The following CEMIP2 variants were observed in gnomAD, a reference collection of about 807,000 sequenced individuals.
CEMIP2 encodes the protein cell migration inducing hyaluronidase 2, also known as cell surface hyaluronidase CEMIP2.
In CEMIP2, 79 loss-of-function variants were observed where a neutral mutation model predicts 146.9. That is an observed-to-expected ratio of 0.54 (90% CI 0.45 to 0.65). The LOEUF (loss-of-function observed/expected upper bound fraction) is 0.65. Among genes scored for constraint, CEMIP2 ranks in the 30% least tolerant of loss-of-function variants. The pLI is 0.00. For synonymous variants in CEMIP2, 601 were observed against 606.3 expected, an observed-to-expected ratio of 0.99 and a Z score of 0.13; for missense variants, 1,596 against 1,696.2, an observed-to-expected ratio of 0.94 and a Z score of 1.04.
At chr9:71,725,545 A>C in intron 11 of CEMIP2, 36 bp downstream of exon 11, 2 of 1,605,918 alleles carry the variant, frequency 1.2e-6, no homozygotes, top group Non-Finnish European at 1.7e-6. Context: ...TACACTGTCT[A>C]GCATATGTAC....
intron 12 of CEMIP2, among the ~76,000 whole-genome samples, chr9:71,719,842 CAAAAAAA>C (rs34555277): frequency 1.1e-5 from 1 of 93,196 alleles, no homozygotes; most frequent in Non-Finnish European, 2.0e-5. Context: ...TAAACGAAAG[CAAAAAAA>C]AAAAAAAAAA....
chr9:71,704,953 T>C, intron 17 of CEMIP2, 150 bp from the exon 18 acceptor site: 2 of 675,248 alleles, frequency 3.0e-6, no homozygotes, highest in Non-Finnish European at 2.5e-6. Context: ...AACTACATCC[T>C]CAGCCACTTA....
chr9:71,730,088 CTT>C lies in CEMIP2; in HGVS notation c.1937_1938del (p.Lys646SerfsTer12). The C allele has an allele frequency of 6.2e-7, 1 of 1,614,174 alleles. No individual in the cohort carries two copies. The highest frequency in any genetic ancestry group is 8.5e-7 in the Non-Finnish European group (1 of 1,180,050). ...GGCACAGGAATGTAATTTCCAAACA[CTT>C]TATCTCGCATGGTGGTACACATGGA... ...NNSMCTTMRDKVFGNYIPVPA... is the reference protein window; with the variant it reads ...NNSMCTTMRDXVFGNYIPVPA... On this transcript the variant is annotated frameshift_variant, in exon 9 of 24. Transcript: ENST00000377044. LOFTEE classifies it high-confidence loss of function.
chr9:71,745,498 C>T lies in CEMIP2; in HGVS notation c.554G>A (p.Gly185Glu), dbSNP rs1402385334. ...RTHYILIQDGGALHIGAEKCR... is the reference protein window; with the variant it reads ...RTHYILIQDGEALHIGAEKCR... ...TTTTTCTGCTCCAATATGAAGCGCC[C>T]CACCATCCTGGATCAGGATGTAATG... The change falls in exon 4 of 24, where the codon GGG becomes GAG. Residue 185 changes from glycine to glutamate, a missense_variant. Gly to Glu is a moderately conservative substitution (Grantham distance 98). Coordinates refer to ENST00000377044, the MANE Select transcript of CEMIP2 (RefSeq NM_013390.3). 3 of 1,612,620 alleles carry T rather than the reference C, an allele frequency of 1.9e-6. No individual in the cohort carries two copies. Among genetic ancestry groups the T allele is most frequent in the Non-Finnish European group, 2.5e-6 (3 of 1,179,352 alleles).
intron 5 of CEMIP2, among the ~76,000 whole-genome samples, chr9:71,735,678 G>C (rs1276674308): frequency 6.6e-6 from 1 of 152,122 alleles, no homozygotes; most frequent in African/African-American, 2.4e-5. Flanking sequence ...AGCTCCTTGG[G>C]CAGCTGAGGT....
At chr9:71,724,515 C>T (rs541677844) in intron 11 of CEMIP2, among the ~76,000 whole-genome samples, 1 of 152,208 alleles carries the variant, frequency 6.6e-6, no homozygotes, top group African/African-American at 2.4e-5. Context: ...TTAAAGGATC[C>T]TCTGAGTATC....
intron 10 of CEMIP2, 21 bp from the exon 11 acceptor site, chr9:71,725,730 C>T: frequency 6.2e-7 from 1 of 1,606,534 alleles, no homozygotes. Flanking sequence ...AAGGACAAGC[C>T]CATTAAAAGC....
Position 71,737,974 on chromosome 9 carries a change from T to G in CEMIP2, c.1204+2089A>C, listed in dbSNP as rs187820421. 2.0e-5 allele frequency among the ~76,000 whole-genome samples: 3 copies of G among 152,292 alleles called. No homozygotes were observed. The East Asian group carries it at 5.8e-4, about 29-fold the overall frequency. ...CAGGAGCTATTATATTTATTAGAGA[T>G]GAAGAAACCAAAGATCAGGGAGTTT... On this transcript the variant is annotated intron_variant, in intron 5 of 23. Coordinates refer to ENST00000377044, the MANE Select transcript of CEMIP2 (RefSeq NM_013390.3).
intron 22 of CEMIP2, 58 bp downstream of exon 22, chr9:71,690,034 T>A (rs1231940710): frequency 4.4e-6 from 7 of 1,587,188 alleles, no homozygotes; most frequent in Admixed American, 1.7e-5. Context: ...ATTATCAGTT[T>A]GGAGCACTCC....
intron 17 of CEMIP2, among the ~76,000 whole-genome samples, chr9:71,708,198 A>C (rs998210338): frequency 1.3e-5 from 2 of 152,130 alleles, no homozygotes; most frequent in Non-Finnish European, 2.9e-5. Context: ...AAATAAATAA[A>C]TAAATAAAAA....
intron 22 of CEMIP2, among the ~76,000 whole-genome samples, chr9:71,687,740 C>T (rs977008133): frequency 2.6e-5 from 4 of 152,078 alleles, no homozygotes; most frequent in East Asian, 1.9e-4. Flanking sequence ...GTGGTGTGCA[C>T]GTGTAGTCCC....
At chr9:71,726,548 A>G (rs542275361) in intron 10 of CEMIP2, among the ~76,000 whole-genome samples, 1 of 152,362 alleles carries the variant, frequency 6.6e-6, no homozygotes, top group Non-Finnish European at 1.5e-5. Flanking sequence ...CAGTAAGACT[A>G]TTCTCAAATA....
chr9:71,752,492 GA>G (rs1387701227), intron 1 of CEMIP2, among the ~76,000 whole-genome samples: 2,218 of 119,422 alleles, frequency 0.019, no homozygotes, highest in Non-Finnish European at 0.026. Flanking sequence ...GGGAGGGAAG[GA>G]GGGAGGAAGG....
At chr9:71,737,402 C>T (rs1427362017) in intron 5 of CEMIP2, among the ~76,000 whole-genome samples, 7 of 144,830 alleles carry the variant, frequency 4.8e-5, no homozygotes, top group Admixed American at 3.5e-4. Context: ...AGCGAGACTC[C>T]GTCTCAAAAA....
intron 10 of CEMIP2, among the ~76,000 whole-genome samples, chr9:71,728,249 A>G (rs1309051932): frequency 1.0e-4 from 4 of 40,178 alleles, no homozygotes; most frequent in East Asian, 8.3e-4. Flanking sequence ...ATATATATAT[A>G]TGTATATACA....
chr9:71,685,235 C>A lies in CEMIP2; in HGVS notation c.4114G>T (p.Asp1372Tyr). ...CPRATTVRRR[D>Y]LELLKQASKA... ...GAAGCTTGCTTTAGCAGTTCCAGGT[C>A]TCTTCTGCGGACAGTGGTGGCTCTG... The change falls in exon 24 of 24, where the codon GAC becomes TAC. Residue 1372 changes from aspartate to tyrosine, a missense_variant. Asp to Tyr is a radical substitution (Grantham distance 160, BLOSUM62 -3). Transcript: ENST00000377044. 1 of 1,612,670 alleles carries A rather than the reference C, an allele frequency of 6.2e-7. No homozygotes were observed. The highest frequency in any genetic ancestry group is 8.5e-7 in the Non-Finnish European group (1 of 1,179,622).
chr9:71,752,867 A>G (rs989964002), intron 1 of CEMIP2, among the ~76,000 whole-genome samples: 2 of 152,296 alleles, frequency 1.3e-5, no homozygotes, highest in East Asian at 3.9e-4. Flanking sequence ...CTGATTTTAC[A>G]TGGGGCAAAG....
intron 10 of CEMIP2, among the ~76,000 whole-genome samples, chr9:71,729,526 G>C (rs1490882219): frequency 6.6e-6 from 1 of 151,946 alleles, no homozygotes; most frequent in Non-Finnish European, 1.5e-5. Flanking sequence ...GGCTGAGGCA[G>C]GAGAATGGCG....
chr9:71,697,915 G>A, intron 20 of CEMIP2, 70 bp downstream of exon 20: 1 of 1,470,602 alleles, frequency 6.8e-7, no homozygotes, highest in Non-Finnish European at 9.3e-7. Flanking sequence ...TCAAAGAAAA[G>A]TGCTCCTATT....
Sources: gnomAD v4.1 joint callset for allele counts (sites outside exome capture counted in the v4.1 genomes callset) on GRCh38, gnomAD v4.1.1 for gene constraint, MANE v1.5 for transcripts, NCBI Gene and HGNC (gene_info 2026-07-23, HGNC 2026-07-21) for gene names.